Variants in GNPDA2 observed in about 807,000 individuals in gnomAD.
GNPDA2 encodes glucosamine-6-phosphate deaminase 2, also known as glcN6P deaminase 2.
GNPDA2 carries 24 observed loss-of-function variants against 27.0 expected under a neutral mutation model. The observed-to-expected ratio is 0.89, with a 90% confidence interval of 0.64 to 1.25. The LOEUF (loss-of-function observed/expected upper bound fraction) is 1.25, where lower values mean the gene tolerates loss of function less well. GNPDA2 is among the 50% of genes most tolerant of loss of function. The pLI, the probability that GNPDA2 is intolerant of heterozygous loss-of-function variation, is 0.00. For missense variants in GNPDA2, 286 were observed against 335.1 expected (o/e 0.85, Z 1.14); for synonymous variants, 94 against 108.4 (o/e 0.87, Z 0.83).
intron 5 of GNPDA2, among the ~76,000 whole-genome samples, chr4:44,709,967 CA>C (rs1233070217): frequency 6.6e-6 from 1 of 151,790 alleles, no homozygotes; most frequent in Non-Finnish European, 1.5e-5. Flanking sequence ...AAAACTGACC[CA>C]AAGAAAAAAA....
rs1385902477 is a variant in GNPDA2, at chr4:44,717,121, A to G, written c.401T>C (p.Phe134Ser). ...AAAAGGTTTTTACATACCTCCAACA[A>G]AAAGATCTATTCCTCCAGCTTCTTT... ...KIKEAGGIDL[F>S]VGGIGPDGHI... is the part of the protein sequence containing the mutation. The change falls in exon 4 of 7, where the codon TTT (phenylalanine) becomes TCT (serine). Residue 134 changes from phenylalanine to serine, a missense_variant. Phe to Ser is a radical substitution (Grantham distance 155). Transcript: ENST00000295448. 1 of 1,602,710 alleles carries G rather than the reference A, an allele frequency of 6.2e-7. No homozygotes were observed. The highest frequency in any genetic ancestry group is 1.3e-5 in the African/African-American group (1 of 74,300).
chr4:44,707,840 G>T lies in GNPDA2; in HGVS notation c.681C>A (p.Ser227=), dbSNP rs368664443. Residue 227 remains serine (S), a synonymous_variant, in exon 6 of 7, where the codon TCC becomes TCA. Coordinates refer to ENST00000295448, the MANE Select transcript of GNPDA2 (RefSeq NM_138335.3). ...TAGTCCGGGGATGCTGCTGGAAAGC[G>T]GAAACAGTCCACATGTGATTGACTC... is the stretch of plus-strand genomic sequence containing the variant. The part of the protein sequence containing the change: ...EEGVNHMWTV[S]AFQQHPRTIF... The T allele has an allele frequency of 6.2e-7, 1 of 1,613,176 alleles. No individual in the cohort carries two copies. Among genetic ancestry groups the T allele is most frequent in the Non-Finnish European group, 8.5e-7 (1 of 1,179,456 alleles).
intron 6 of GNPDA2, 188 bp downstream of exon 6, chr4:44,707,559 GAAAAA>G: frequency 2.7e-6 from 1 of 368,376 alleles, no homozygotes. Flanking sequence ...TTCTCTTCAT[GAAAAA>G]AAAAAAAAGG....
rs1716358665 is a variant in GNPDA2, at chr4:44,702,845, T to C, written c.*236A>G. The stretch of plus-strand genomic sequence containing the variant: ...CTATGCTGTTTTATAGGTGGCTATG[T>C]GACTTCAGTACTTTATAATAAATAG... On this transcript the variant is annotated 3_prime_UTR_variant, in exon 7 of 7. Coordinates refer to ENST00000295448, the MANE Select transcript of GNPDA2 (RefSeq NM_138335.3). 7.4e-7 allele frequency: 1 copy of C among 1,343,824 alleles called. No individual in the cohort carries two copies. The highest frequency in any genetic ancestry group is 1.8e-5 in the South Asian group (1 of 55,498). 83.2% of individuals were successfully genotyped at this position (1,343,824 alleles called of 1,614,324 possible).
rs759237487 is a variant in GNPDA2, at chr4:44,714,878, G to A, written c.409+2235C>T. On this transcript the variant is annotated intron_variant, in intron 4 of 6. Coordinates refer to ENST00000295448, the MANE Select transcript of GNPDA2 (RefSeq NM_138335.3). ...GGTACATATAAAATGTCAGGCATTG[G>A]ATCATCCATGACTACAGTGAAGATG... Among the ~76,000 whole-genome samples the A allele has an allele frequency of 7.2e-5, 11 of 152,130 alleles. No individual in the cohort carries two copies. In the South Asian group the frequency reaches 1.4e-3, roughly 20 times the overall value.
Position 44,711,828 on chromosome 4 carries a change from T to TATACAC in GNPDA2, c.410-692_410-691insGTGTAT, listed in dbSNP as rs1553878842. ...AATCTAGTATATATATATATATATA[T>TATACAC]ACACATATACAACACAAACATATAA... On this transcript the variant is annotated intron_variant, in intron 4 of 6. Transcript: ENST00000295448. Among the ~76,000 whole-genome samples the TATACAC allele has an allele frequency of 3.6e-3, 529 of 148,322 alleles. 5 individuals are homozygous for TATACAC. The highest frequency in any genetic ancestry group is 0.016 in the East Asian group (82 of 5,078).
At position 44,717,365 on chromosome 4, in the gene GNPDA2, C is replaced by CGT. The variant is rs1717370827; in HGVS notation, c.227-71_227-70insAC. ...CTAAAGTTTATTTTTCTTTTTAAGT[C>CGT]ATAAGTGCTATTTAATAAATCTAAC... On this transcript the variant is annotated intron_variant, in intron 3 of 6. Transcript: ENST00000295448. 1.1e-5 allele frequency: 9 copies of CGT among 826,536 alleles called. No individual in the cohort carries two copies. In the African/African-American group the frequency reaches 1.6e-4, roughly 14 times the overall value. 51.2% of individuals were successfully genotyped at this position (826,536 alleles called of 1,614,324 possible).
In GNPDA2 at chr4:44,704,583, T is replaced by C. The variant is rs1003251110; in HGVS notation, c.770-1441A>G. The C allele has an allele frequency of 4.0e-6, 3 of 758,870 alleles. No homozygotes were observed. The African/African-American group carries it at 5.7e-5, about 14-fold the overall frequency. The allele number at this position is 758,870 out of a possible 1,614,324, so 47.0% of individuals were successfully genotyped here. A position where few individuals can be genotyped will look rare whatever the true frequency, so the allele number is the denominator to read the frequency against. On this transcript the variant is annotated intron_variant, in intron 6 of 6. Transcript: ENST00000295448. ...TTTGAAAATTCTATTAATTGCTTTTTAGATATTAAGTCAAATATTTACTGT... is the reference window on the plus strand; with the variant it reads ...TTTGAAAATTCTATTAATTGCTTTTCAGATATTAAGTCAAATATTTACTGT...
At position 44,701,833 on chromosome 4, in the gene GNPDA2, C is replaced by T. The variant is rs1716284972; in HGVS notation, c.*1248G>A. The stretch of plus-strand genomic sequence containing the variant: ...GGAATTAAAGCAGCATAATTTACCC[C>T]ATCCCCCACTTTTAACCATAAAACC... On this transcript the variant is annotated 3_prime_UTR_variant, in exon 7 of 7. Coordinates refer to ENST00000295448, the MANE Select transcript of GNPDA2 (RefSeq NM_138335.3). 13 of 984,288 alleles carry T rather than the reference C, an allele frequency of 1.3e-5. No individual in the cohort carries two copies. Among genetic ancestry groups the T allele is most frequent in the African/African-American group, 1.7e-5 (1 of 57,182 alleles). 61.0% of individuals were successfully genotyped at this position (984,288 alleles called of 1,614,324 possible). A position where few individuals can be genotyped will look rare whatever the true frequency, so the allele number is the denominator to read the frequency against.
At chr4:44,716,804 T>C (rs1717319715) in intron 4 of GNPDA2, among the ~76,000 whole-genome samples, 1 of 151,846 alleles carries the variant, frequency 6.6e-6, no homozygotes, top group South Asian at 2.1e-4. Flanking sequence ...AAGAAACATA[T>C]TACTCATTTT....
intron 6 of GNPDA2, 200 bp downstream of exon 6, chr4:44,707,552 T>G (rs1716682701): frequency 2.5e-5 from 9 of 364,396 alleles, no homozygotes; most frequent in Non-Finnish European, 4.1e-5. Flanking sequence ...GAAGAGATTC[T>G]CTTCATGAAA....
intron 6 of GNPDA2, chr4:44,704,989 T>C (rs1716499209): frequency 1.0e-6 from 1 of 983,444 alleles, no homozygotes; most frequent in Non-Finnish European, 1.2e-6. Context: ...GATTAACTTG[T>C]ATCTTTCAAA....
intron 5 of GNPDA2, among the ~76,000 whole-genome samples, chr4:44,709,950 C>T (rs1448194592): frequency 6.6e-6 from 1 of 152,076 alleles, no homozygotes; most frequent in African/African-American, 2.4e-5. Context: ...GCACTCCTGT[C>T]TGGGCAAAAA....
At chr4:44,717,363 GT>G (rs1717370625) in intron 3 of GNPDA2, 68 bp from the exon 4 acceptor site, 2 of 844,158 alleles carry the variant, frequency 2.4e-6, no homozygotes, top group Non-Finnish European at 3.5e-6. Context: ...TTCTTTTTAA[GT>G]CATAAGTGCT....
intron 1 of GNPDA2, among the ~76,000 whole-genome samples, chr4:44,724,348 C>A (rs977599599): frequency 6.6e-6 from 1 of 152,124 alleles, no homozygotes; most frequent in Non-Finnish European, 1.5e-5. Flanking sequence ...AAAATGAATG[C>A]GGGTATCTTT....
intron 6 of GNPDA2, chr4:44,703,645 AC>A: frequency 1.0e-6 from 1 of 984,126 alleles, no homozygotes; most frequent in African/African-American, 1.7e-5. Context: ...CAAATTCTAC[AC>A]TGAGGGAGGG....
At chr4:44,726,220 A>G (rs1718011400) in intron 1 of GNPDA2, among the ~76,000 whole-genome samples, 1 of 147,546 alleles carries the variant, frequency 6.8e-6, no homozygotes, top group Non-Finnish European at 1.5e-5. Flanking sequence ...AGAGGTGTCA[A>G]GAAGAAGCCG....
chr4:44,713,545 T>C (rs1406560780), intron 4 of GNPDA2, among the ~76,000 whole-genome samples: 1 of 152,174 alleles, frequency 6.6e-6, no homozygotes, highest in Non-Finnish European at 1.5e-5. Flanking sequence ...AATCAGAAGG[T>C]TAACATTTTC....
intron 6 of GNPDA2, chr4:44,705,536 AAG>A: frequency 1.1e-6 from 1 of 876,448 alleles, no homozygotes; most frequent in South Asian, 5.2e-5. Flanking sequence ...GATGAACTAA[AAG>A]AACTAAATAC....
Sources: gnomAD v4.1 joint callset for allele counts (sites outside exome capture counted in the v4.1 genomes callset) on GRCh38, gnomAD v4.1.1 for gene constraint, MANE v1.5 for transcripts, NCBI Gene and HGNC (gene_info 2026-07-23, HGNC 2026-07-21) for gene names.